Variants in GNB1L observed in about 807,000 individuals in gnomAD.
GNB1L encodes G protein subunit beta 1 like, also known as guanine nucleotide-binding protein subunit beta-like protein 1.
In GNB1L, 20 loss-of-function variants were observed where a neutral mutation model predicts 29.1. The observed-to-expected ratio is 0.69, with a 90% CI of 0.48 to 1.00. GNB1L has a LOEUF of 1.00. GNB1L is among the 50% of genes least tolerant of loss of function. The pLI, the probability that GNB1L is intolerant of heterozygous loss-of-function variation, is 0.00. For missense variants in GNB1L, 421 were observed against 464.9 expected (o/e 0.91, Z 0.87); for synonymous variants, 193 against 206.5 (o/e 0.93, Z 0.56).
intron 7 of GNB1L, among the ~76,000 whole-genome samples, chr22:19,789,513 G>A (rs1424674165): frequency 3.3e-5 from 5 of 152,014 alleles, no homozygotes; most frequent in African/African-American, 1.2e-4. Flanking sequence ...AGGATGAGGG[G>A]GGGACAAGGG....
intron 4 of GNB1L, among the ~76,000 whole-genome samples, chr22:19,820,229 C>T (rs925492254): frequency 3.3e-5 from 5 of 152,148 alleles, no homozygotes; most frequent in African/African-American, 9.7e-5. Flanking sequence ...CAGCAAATGC[C>T]CTCACCCCTG....
chr22:19,791,110 G>A (rs1362338258), intron 7 of GNB1L, among the ~76,000 whole-genome samples: 1 of 152,176 alleles, frequency 6.6e-6, no homozygotes, highest in African/African-American at 2.4e-5. Flanking sequence ...GCATGCACCT[G>A]TAGTCCCAGC....
chr22:19,843,690 G>T (rs985263195), intron 2 of GNB1L, among the ~76,000 whole-genome samples: 4 of 152,206 alleles, frequency 2.6e-5, no homozygotes, highest in African/African-American at 9.6e-5. Flanking sequence ...GCAGGGAGGG[G>T]AACCCGAGCC....
chr22:19,816,961 C>T lies in GNB1L; in HGVS notation c.254+3637G>A, dbSNP rs572366594. ...CAAGGGGCACTGAGGTGGGGGAAGG[C>T]GGGACCGCTGGGTACCCACATGGAA... On this transcript the variant is annotated intron_variant, in intron 4 of 7. Coordinates refer to ENST00000329517, the MANE Select transcript of GNB1L (RefSeq NM_053004.3). This position sits in a 1 kb window ranked among gnomAD's most constrained non-coding sequence, Gnocchi z 4.4. Among the ~76,000 whole-genome samples, 1 of 152,318 alleles carries T rather than the reference C, an allele frequency of 6.6e-6. No individual in the cohort carries two copies. Among genetic ancestry groups the T allele is most frequent in the South Asian group, 2.1e-4 (1 of 4,826 alleles).
chr22:19,850,219 C>T (rs753214228), intron 2 of GNB1L: 187 of 985,650 alleles, frequency 1.9e-4, no homozygotes, highest in Non-Finnish European at 2.2e-4. Context: ...TGGTAGGCAG[C>T]CACTGCACCA....
chr22:19,807,995 C>T (rs774524413), intron 5 of GNB1L, among the ~76,000 whole-genome samples: 2 of 152,202 alleles, frequency 1.3e-5, no homozygotes, highest in African/African-American at 2.4e-5. Context: ...CTCCAGTACG[C>T]GGACCAGGGC....
intron 2 of GNB1L, among the ~76,000 whole-genome samples, chr22:19,853,617 G>A (rs973305939): frequency 6.6e-6 from 1 of 152,120 alleles, no homozygotes; most frequent in African/African-American, 2.4e-5. Flanking sequence ...AGTTCCTCCA[G>A]GTACCTCCCA....
At chr22:19,827,891 T>C (rs1937631859) in intron 2 of GNB1L, among the ~76,000 whole-genome samples, 2 of 152,180 alleles carry the variant, frequency 1.3e-5, no homozygotes, top group Admixed American at 6.5e-5. Context: ...CCTAGTAGTA[T>C]TGGGTATAAT....
chr22:19,834,662 CTG>C (rs1184073096), intron 2 of GNB1L, among the ~76,000 whole-genome samples: 2 of 152,116 alleles, frequency 1.3e-5, no homozygotes, highest in Non-Finnish European at 2.9e-5. Context: ...AGTATGTACA[CTG>C]TCATCCCTGC....
chr22:19,805,671 A>AT (rs1277710718), intron 6 of GNB1L, among the ~76,000 whole-genome samples: 4 of 152,100 alleles, frequency 2.6e-5, no homozygotes, highest in Admixed American at 1.3e-4. Context: ...AGTCCCAGCT[A>AT]CTCAGGAGGC....
intron 2 of GNB1L, among the ~76,000 whole-genome samples, chr22:19,824,280 C>G (rs1362343151): frequency 1.3e-5 from 2 of 152,234 alleles, no homozygotes; most frequent in East Asian, 1.9e-4. Context: ...CTTTATTAAT[C>G]TAATTGAGAA....
intron 2 of GNB1L, among the ~76,000 whole-genome samples, chr22:19,827,226 A>G (rs1022118414): frequency 3.9e-5 from 6 of 152,144 alleles, no homozygotes; most frequent in African/African-American, 1.2e-4. Context: ...TAGGGGTGAA[A>G]TGCTATAATG....
intron 2 of GNB1L, chr22:19,847,311 C>T: frequency 2.0e-6 from 2 of 985,230 alleles, no homozygotes; most frequent in Non-Finnish European, 2.4e-6. Flanking sequence ...CACAATCTGG[C>T]TCATGCTGAC....
chr22:19,789,348 C>G (rs1937226394), intron 7 of GNB1L, among the ~76,000 whole-genome samples: 1 of 152,252 alleles, frequency 6.6e-6, no homozygotes. Context: ...CAGCAGAATG[C>G]TGGCACTCCT....
chr22:19,788,223 G>C lies in GNB1L; in HGVS notation c.*486C>G. 3.3e-6 allele frequency: 1 copy of C among 304,198 alleles called. No individual in the cohort carries two copies. The highest frequency in any genetic ancestry group is 6.1e-6 in the Non-Finnish European group (1 of 162,952). The allele number at this position is 304,198 out of a possible 1,614,324, so 18.8% of individuals were successfully genotyped here. Reference sequence around the variant, plus strand: ...CCTCCTCGGGGTGAGGGGTCATGTGGACATCGACGCAGCTATGGTTGGGGC... The same window carrying C: ...CCTCCTCGGGGTGAGGGGTCATGTGCACATCGACGCAGCTATGGTTGGGGC... On this transcript the variant is annotated 3_prime_UTR_variant, in exon 8 of 8. Transcript: ENST00000329517.
chr22:19,851,322 G>T, intron 2 of GNB1L: 1 of 1,614,138 alleles, frequency 6.2e-7, no homozygotes, highest in South Asian at 1.1e-5. Flanking sequence ...GCTGGGTCTG[G>T]TCTCTGGGCA....
chr22:19,791,050 T>C (rs969300045), intron 7 of GNB1L, among the ~76,000 whole-genome samples: 5 of 152,074 alleles, frequency 3.3e-5, no homozygotes, highest in Admixed American at 2.0e-4. Context: ...GGGCAACATA[T>C]AGAGATACTG....
At chr22:19,815,242 T>C (rs1937519883) in intron 4 of GNB1L, among the ~76,000 whole-genome samples, 1 of 152,186 alleles carries the variant, frequency 6.6e-6, no homozygotes, top group Non-Finnish European at 1.5e-5. Flanking sequence ...CGGTGTGCAG[T>C]TGCGGTTGTG....
intron 3 of GNB1L, 150 bp from the exon 4 acceptor site, chr22:19,820,873 C>A (rs1446576532): frequency 2.5e-5 from 23 of 931,204 alleles, no homozygotes; most frequent in Non-Finnish European, 3.5e-5. Context: ...AAGGGCCAAA[C>A]TGGCAAAGCA....
Sources: allele counts gnomAD v4.1 joint callset (sites outside exome capture counted in the v4.1 genomes callset), GRCh38; gene constraint gnomAD v4.1.1; non-coding constraint Gnocchi (gnomAD v3.1); transcripts MANE v1.5; gene names NCBI Gene and HGNC (gene_info 2026-07-23, HGNC 2026-07-21).